LIAT1: variants seen among roughly 807,000 people sequenced by gnomAD.
LIAT1 encodes ligand of ATE1.
chr17:413,680 C>T, the LIAT1 span: 157 of 1,580,100 alleles, frequency 9.9e-5, 10 homozygotes, highest in South Asian at 1.5e-3. Flanking sequence ...ACACTGACCC[C>T]GAGGCCCTCA....
At chr17:414,266 G>A in the LIAT1 span, 1 of 930,322 alleles carries the variant, frequency 1.1e-6, no homozygotes, top group Non-Finnish European at 1.6e-6. This position sits in a 1 kb window ranked among gnomAD's most constrained non-coding sequence, Gnocchi z 4.1. Context: ...TCACCAAGCT[G>A]CCCTCGGTTG....
At chr17:412,596 C>A in the LIAT1 span, among the ~76,000 whole-genome samples, 1 of 152,284 alleles carries the variant, frequency 6.6e-6, no homozygotes, top group South Asian at 2.1e-4. Context: ...TCAGTACAAG[C>A]CATACAGCAG....
chr17:410,667 G>A, the LIAT1 span: 8 of 1,535,366 alleles, frequency 5.2e-6, no homozygotes, highest in Non-Finnish European at 7.0e-6. Flanking sequence ...CAGCTAGCCC[G>A]GCTGCGTCAG....
At chr17:410,668 G>T in the LIAT1 span, 1 of 1,534,810 alleles carries the variant, frequency 6.5e-7, no homozygotes, top group Non-Finnish European at 8.7e-7. Context: ...AGCTAGCCCG[G>T]CTGCGTCAGC....
the LIAT1 span, among the ~76,000 whole-genome samples, chr17:411,118 G>C: frequency 0.51 from 77,325 of 152,076 alleles, 22,817 homozygotes; most frequent in African/African-American, 0.82. Flanking sequence ...CTGCCTGCCT[G>C]TGGATGCGCG....
At chr17:410,640 G>A in the LIAT1 span, 16 of 1,540,310 alleles carry the variant, frequency 1.0e-5, no homozygotes, top group Non-Finnish European at 1.3e-5. Flanking sequence ...GTCTGGCAAG[G>A]GGGACGGTAA....
chr17:410,362 G>T, the LIAT1 span: 4 of 1,505,520 alleles, frequency 2.7e-6, no homozygotes, highest in Non-Finnish European at 3.5e-6. Context: ...CGTGGCCCTG[G>T]CCTGGCGGTC....
chr17:414,028 G>T, the LIAT1 span: 1 of 1,614,210 alleles, frequency 6.2e-7, no homozygotes, highest in Non-Finnish European at 8.5e-7. This position sits in a 1 kb window ranked among gnomAD's most constrained non-coding sequence, Gnocchi z 4.1. Flanking sequence ...AGCCCACGTC[G>T]AAAGCCGAGT....
chr17:412,907 C>T, the LIAT1 span, among the ~76,000 whole-genome samples: 1 of 152,224 alleles, frequency 6.6e-6, no homozygotes, highest in Non-Finnish European at 1.5e-5. Flanking sequence ...TAGGGCCGAT[C>T]GCCTTTACCC....
chr17:410,369 G>A, the LIAT1 span: 9 of 1,509,802 alleles, frequency 6.0e-6, no homozygotes, highest in South Asian at 1.0e-4. Context: ...CTGGCCTGGC[G>A]GTCCGCGCTG....
chr17:410,427 G>A, the LIAT1 span: 1 of 1,538,352 alleles, frequency 6.5e-7, no homozygotes, highest in Non-Finnish European at 8.7e-7. Context: ...CCCGGGGCGG[G>A]TTGGGTTGCA....
At chr17:414,366 G>C in the LIAT1 span, 2 of 494,460 alleles carry the variant, frequency 4.0e-6, no homozygotes, top group African/African-American at 3.9e-5. The surrounding 1 kb of genome is among the most constrained non-coding windows in gnomAD (Gnocchi z 4.1). Flanking sequence ...AAGCATCTCT[G>C]TTACTTAATT....
the LIAT1 span, chr17:414,150 CT>C: frequency 1.3e-6 from 2 of 1,591,508 alleles, no homozygotes; most frequent in Non-Finnish European, 1.7e-6. This position sits in a 1 kb window ranked among gnomAD's most constrained non-coding sequence, Gnocchi z 4.1. Context: ...CTTATAATTC[CT>C]CCTCACCACA....
At chr17:414,220 C>T in the LIAT1 span, 2 of 1,394,348 alleles carry the variant, frequency 1.4e-6, no homozygotes, top group Non-Finnish European at 1.9e-6. The surrounding 1 kb of genome is among the most constrained non-coding windows in gnomAD (Gnocchi z 4.1). Flanking sequence ...CTGAAGGAAA[C>T]AGATGTTCGG....
At chr17:411,080 C>T in the LIAT1 span, among the ~76,000 whole-genome samples, 1 of 152,230 alleles carries the variant, frequency 6.6e-6, no homozygotes, top group South Asian at 2.1e-4. Flanking sequence ...ACTCCTGCCT[C>T]CCCTCCTCCC....
the LIAT1 span, chr17:410,409 C>T: frequency 1.0e-5 from 16 of 1,530,414 alleles, no homozygotes; most frequent in Non-Finnish European, 2.6e-6. Flanking sequence ...CATCGGGCCT[C>T]GGGCGCCCCC....
chr17:412,269 T>G, the LIAT1 span, among the ~76,000 whole-genome samples: 2 of 149,990 alleles, frequency 1.3e-5, no homozygotes, highest in Admixed American at 1.3e-4. Context: ...GCCACTGTGC[T>G]CCAGCCTGGG....
At chr17:414,151 T>G in the LIAT1 span, 1 of 1,590,916 alleles carries the variant, frequency 6.3e-7, no homozygotes, top group South Asian at 1.1e-5. This position sits in a 1 kb window ranked among gnomAD's most constrained non-coding sequence, Gnocchi z 4.1. Flanking sequence ...TTATAATTCC[T>G]CCTCACCACA....
chr17:413,171 A>T, the LIAT1 span: 1 of 1,614,128 alleles, frequency 6.2e-7, no homozygotes, highest in South Asian at 1.1e-5. Flanking sequence ...TCAGAGCCTG[A>T]AGAGCCAGCC....
Sources: allele counts gnomAD v4.1 joint callset (sites outside exome capture counted in the v4.1 genomes callset), GRCh38; gene constraint gnomAD v4.1.1; non-coding constraint Gnocchi (gnomAD v3.1); transcripts MANE v1.5; gene names NCBI Gene and HGNC (gene_info 2026-07-23, HGNC 2026-07-21).